CLSPN: variants seen among roughly 807,000 people sequenced by gnomAD.
CLSPN encodes claspin homolog.
In CLSPN, 85 loss-of-function variants were observed where a neutral mutation model predicts 156.3. That is an observed-to-expected ratio of 0.54 (90% CI 0.46 to 0.65). The LOEUF (loss-of-function observed/expected upper bound fraction) is 0.65. CLSPN is among the 30% of genes least tolerant of loss of function. CLSPN has a pLI of 0.00. For synonymous variants in CLSPN, 534 were observed against 542.4 expected, an observed-to-expected ratio of 0.98 and a Z score of 0.22; for missense variants, 1,407 against 1,554.9, an observed-to-expected ratio of 0.90 and a Z score of 1.60.
intron 8 of CLSPN, 99 bp downstream of exon 8, chr1:35,760,243 A>T: frequency 1.1e-6 from 1 of 900,620 alleles, no homozygotes; most frequent in Non-Finnish European, 1.7e-6. Flanking sequence ...CAAAGTGGTT[A>T]TTGGTTCCTC....
intron 3 of CLSPN, among the ~76,000 whole-genome samples, chr1:35,763,959 C>T (rs1296832566): frequency 3.3e-5 from 5 of 151,962 alleles, no homozygotes; most frequent in African/African-American, 9.7e-5. Context: ...GCCACCACAC[C>T]CAACTAATTT....
chr1:35,738,383 A>G, intron 21 of CLSPN, 72 bp downstream of exon 21: 1 of 1,484,148 alleles, frequency 6.7e-7, no homozygotes, highest in Non-Finnish European at 9.2e-7. Context: ...ATGACAAGCT[A>G]AGATTTTGAA....
At chr1:35,753,131 C>T (rs1642149079) in intron 9 of CLSPN, among the ~76,000 whole-genome samples, 1 of 152,168 alleles carries the variant, frequency 6.6e-6, no homozygotes, top group African/African-American at 2.4e-5. Context: ...CTCACTCTCT[C>T]GCCTAGGCTG....
intron 18 of CLSPN, among the ~76,000 whole-genome samples, chr1:35,740,908 G>A (rs11806336): frequency 8.5e-5 from 13 of 152,090 alleles, no homozygotes; most frequent in African/African-American, 3.1e-4. Flanking sequence ...CACTACCTTA[G>A]AAAAATCTAT....
Position 35,745,543 on chromosome 1 carries a change from TGAG to T in CLSPN, c.2871_2873del (p.Ser959del). On this transcript the variant is annotated inframe_deletion, in exon 16 of 25. Transcript: ENST00000318121. ...CCTTCTCCTGTTTATTTAACTCTGA[TGAG>T]GCTGGAGTGGAGGCATCTACATCAC... is the stretch of plus-strand genomic sequence containing the variant. The T allele has an allele frequency of 6.2e-7, 1 of 1,613,670 alleles. No individual in the cohort carries two copies. Among genetic ancestry groups the T allele is most frequent in the Non-Finnish European group, 8.5e-7 (1 of 1,179,558 alleles).
intron 18 of CLSPN, among the ~76,000 whole-genome samples, chr1:35,740,333 T>C (rs1641647784): frequency 3.9e-5 from 6 of 152,134 alleles, no homozygotes; most frequent in Admixed American, 6.5e-5. Flanking sequence ...GGATTCAAAG[T>C]CACCTTGGTC....
At chr1:35,754,655 T>A (rs1642213051) in intron 8 of CLSPN, among the ~76,000 whole-genome samples, 1 of 152,150 alleles carries the variant, frequency 6.6e-6, no homozygotes, top group South Asian at 2.1e-4. Context: ...TTATTGGCAA[T>A]CTTACTAAAT....
Sources: allele counts gnomAD v4.1 joint callset (sites outside exome capture counted in the v4.1 genomes callset), GRCh38; gene constraint gnomAD v4.1.1; transcripts MANE v1.5; gene names NCBI Gene and HGNC (gene_info 2026-07-23, HGNC 2026-07-21).